The following MCTP1 variants were observed in gnomAD, a reference collection of about 807,000 sequenced individuals.
MCTP1 encodes multiple C2 and transmembrane domain-containing protein 1.
MCTP1 carries 69 observed loss-of-function variants against 120.6 expected under a neutral mutation model. The observed-to-expected ratio is 0.57, with a 90% CI of 0.47 to 0.70. MCTP1 has a LOEUF of 0.70. MCTP1 is among the 30% of genes least tolerant of loss of function. The probability of loss-of-function intolerance (pLI) is 0.00; values close to 1 mark genes in which losing one functional copy is unlikely to be tolerated. For synonymous variants in MCTP1, 529 were observed against 493.1 expected (o/e 1.07, Z -0.96); for missense variants, 1,203 against 1,248.8 (o/e 0.96, Z 0.55).
intron 1 of MCTP1, among the ~76,000 whole-genome samples, chr5:95,101,724 G>A (rs1379571653): frequency 6.6e-6 from 1 of 152,200 alleles, no homozygotes; most frequent in East Asian, 1.9e-4. Context: ...CAGTTTCCAG[G>A]GTTCCTGTGT....
intron 19 of MCTP1, among the ~76,000 whole-genome samples, chr5:94,729,786 A>C (rs2152693377): frequency 6.6e-6 from 1 of 152,352 alleles, no homozygotes; most frequent in Middle Eastern, 3.4e-3. Flanking sequence ...ACAGAGAAAT[A>C]GTGCCACAGA....
At chr5:94,942,226 GACT>G (rs1817894298) in intron 4 of MCTP1, 119 bp downstream of exon 4, 1 of 643,590 alleles carries the variant, frequency 1.6e-6, no homozygotes, top group Non-Finnish European at 2.7e-6. Flanking sequence ...GAGAAAGGCT[GACT>G]AGCAGGAAGG....
intron 1 of MCTP1, among the ~76,000 whole-genome samples, chr5:95,120,641 A>G (rs1758154181): frequency 6.6e-6 from 1 of 152,232 alleles, no homozygotes; most frequent in African/African-American, 2.4e-5. Context: ...ACATCCCTTC[A>G]TCACAAAAAC....
chr5:94,794,490 C>T (rs1779614839), intron 18 of MCTP1, among the ~76,000 whole-genome samples: 1 of 152,178 alleles, frequency 6.6e-6, no homozygotes. Flanking sequence ...CTATGCAAGG[C>T]CCTGGACACT....
At chr5:95,090,953 C>T (rs752269716) in intron 1 of MCTP1, among the ~76,000 whole-genome samples, 5 of 152,144 alleles carry the variant, frequency 3.3e-5, no homozygotes, top group African/African-American at 9.7e-5. Flanking sequence ...TGGCAAAAAA[C>T]GCAATTACTT....
intron 8 of MCTP1, among the ~76,000 whole-genome samples, chr5:94,915,352 A>T (rs1809774793): frequency 2.0e-5 from 3 of 152,222 alleles, no homozygotes; most frequent in Non-Finnish European, 2.9e-5. Flanking sequence ...CTCATAGGTT[A>T]AAAGGTAAGT....
intron 19 of MCTP1, among the ~76,000 whole-genome samples, chr5:94,768,711 C>A (rs1485274966): frequency 6.6e-6 from 1 of 152,016 alleles, no homozygotes; most frequent in Non-Finnish European, 1.5e-5. Flanking sequence ...GTTAAGATGG[C>A]TGTTATCAAA....
At chr5:94,803,895 C>T (rs758215062) in intron 17 of MCTP1, among the ~76,000 whole-genome samples, 2 of 152,102 alleles carry the variant, frequency 1.3e-5, no homozygotes, top group Non-Finnish European at 2.9e-5. Flanking sequence ...AGATTAGGCA[C>T]ATAACTTATT....
intron 1 of MCTP1, among the ~76,000 whole-genome samples, chr5:95,195,229 G>A (rs185306443): frequency 7.2e-4 from 110 of 152,328 alleles, no homozygotes; most frequent in African/African-American, 2.5e-3. Context: ...AGACACAGTA[G>A]CCTCACAGAA....
intron 21 of MCTP1, chr5:94,709,070 G>A (rs1580180542): frequency 1.3e-5 from 2 of 152,204 alleles, no homozygotes; most frequent in African/African-American, 2.4e-5. Context: ...ATGTTTAGAA[G>A]ACACATGATG....
At chr5:94,735,323 T>G (rs1448312192) in intron 19 of MCTP1, among the ~76,000 whole-genome samples, 4 of 150,870 alleles carry the variant, frequency 2.7e-5, no homozygotes, top group Non-Finnish European at 1.5e-5. Flanking sequence ...TTTGTCTACA[T>G]TTTTGGTTTT....
chr5:94,863,940 T>TC (rs562352512), intron 17 of MCTP1, among the ~76,000 whole-genome samples: 6 of 151,790 alleles, frequency 4.0e-5, no homozygotes, highest in Non-Finnish European at 8.8e-5. Flanking sequence ...GTAACTGTTG[T>TC]CCCGAATATG....
chr5:94,882,991 T>G (rs1800454093), intron 12 of MCTP1, among the ~76,000 whole-genome samples: 1 of 152,210 alleles, frequency 6.6e-6, no homozygotes, highest in South Asian at 2.1e-4. Flanking sequence ...AACAACTCTT[T>G]GGTTTTAGAA....
chr5:94,720,426 C>T (rs185717511), intron 19 of MCTP1, among the ~76,000 whole-genome samples: 134 of 152,154 alleles, frequency 8.8e-4, no homozygotes, highest in African/African-American at 3.0e-3. Context: ...GTTTTAATTG[C>T]ATTTTTGTTT....
At chr5:94,847,941 C>T (rs1373592575) in intron 17 of MCTP1, among the ~76,000 whole-genome samples, 4 of 151,970 alleles carry the variant, frequency 2.6e-5, no homozygotes, top group Admixed American at 2.0e-4. Flanking sequence ...GCAACTTCAG[C>T]GTCATTTAGC....
At chr5:95,033,275 C>T (rs1202796051) in intron 1 of MCTP1, among the ~76,000 whole-genome samples, 1 of 151,848 alleles carries the variant, frequency 6.6e-6, no homozygotes, top group Non-Finnish European at 1.5e-5. Context: ...ACAACAACAA[C>T]AATAAAAACT....
chr5:95,148,378 T>G (rs1374188546), intron 1 of MCTP1, among the ~76,000 whole-genome samples: 1 of 152,188 alleles, frequency 6.6e-6, no homozygotes, highest in East Asian at 1.9e-4. Context: ...ATTCCATATT[T>G]ATTGGAGGTT....
At chr5:94,722,612 T>C (rs1490953426) in intron 19 of MCTP1, among the ~76,000 whole-genome samples, 1 of 152,200 alleles carries the variant, frequency 6.6e-6, no homozygotes, top group Non-Finnish European at 1.5e-5. Context: ...GGTCACCTTA[T>C]TATTTCCTGG....
chr5:94,746,868 C>T (rs1250656112), intron 19 of MCTP1, among the ~76,000 whole-genome samples: 2 of 152,200 alleles, frequency 1.3e-5, no homozygotes, highest in Admixed American at 6.5e-5. Context: ...ACAACTCTTG[C>T]GTCAGTATAT....
Sources: allele counts gnomAD v4.1 joint callset (sites outside exome capture counted in the v4.1 genomes callset), GRCh38; gene constraint gnomAD v4.1.1; transcripts MANE v1.5; gene names NCBI Gene and HGNC (gene_info 2026-07-23, HGNC 2026-07-21).